DNAJB6: variants seen among roughly 807,000 people sequenced by gnomAD.
The protein encoded by DNAJB6 is DnaJ heat shock protein family (Hsp40) member B6.
In DNAJB6, 16 loss-of-function variants were observed where a neutral mutation model predicts 42.7. The observed-to-expected ratio is 0.37, with a 90% CI of 0.25 to 0.57. The LOEUF is 0.57. Ranked by LOEUF, DNAJB6 falls within the 20% of genes least tolerant of loss-of-function variation. DNAJB6 has a pLI of 0.74. For synonymous variants in DNAJB6, 170 were observed against 163.5 expected, an observed-to-expected ratio of 1.04 and a Z score of -0.30; for missense variants, 347 against 416.8, an observed-to-expected ratio of 0.83 and a Z score of 1.46.
intron 8 of DNAJB6, among the ~76,000 whole-genome samples, chr7:157,394,036 CAAAAG>C (rs1801472694): frequency 6.6e-6 from 1 of 152,188 alleles, no homozygotes; most frequent in African/African-American, 2.4e-5. Context: ...TAGTTTCTCT[CAAAAG>C]AATACCTTTC....
intron 5 of DNAJB6, 56 bp from the exon 6 acceptor site, chr7:157,382,188 CAT>C (rs1800814973): frequency 6.6e-6 from 10 of 1,511,930 alleles, no homozygotes; most frequent in Middle Eastern, 1.8e-4. Context: ...GTAGCTATCA[CAT>C]GAGGAAAAAA....
chr7:157,369,384 T>A (rs1370079367), intron 5 of DNAJB6: 1 of 456,714 alleles, frequency 2.2e-6, no homozygotes, highest in South Asian at 1.5e-5. Flanking sequence ...TGGGTTGAAG[T>A]CCTGTGTTCT....
At chr7:157,396,501 C>T (rs769931310) in intron 8 of DNAJB6, among the ~76,000 whole-genome samples, 2 of 152,226 alleles carry the variant, frequency 1.3e-5, no homozygotes, top group Non-Finnish European at 2.9e-5. Flanking sequence ...CCCCACCCAG[C>T]ACCATGCTGT....
chr7:157,378,204 G>A (rs1323780913), intron 5 of DNAJB6: 1 of 152,200 alleles, frequency 6.6e-6, no homozygotes, highest in African/African-American at 2.4e-5. Flanking sequence ...TGGTCTTGTG[G>A]CCTTCAGCAG....
chr7:157,355,354 G>GT, intron 1 of DNAJB6, among the ~76,000 whole-genome samples: 1 of 152,176 alleles, frequency 6.6e-6, no homozygotes, highest in Admixed American at 6.5e-5. Context: ...TAGAGATGGA[G>GT]TTTCACCGTG....
intron 6 of DNAJB6, among the ~76,000 whole-genome samples, chr7:157,384,450 A>G (rs1800947825): frequency 1.3e-5 from 2 of 152,208 alleles, no homozygotes; most frequent in Admixed American, 1.3e-4. Context: ...CAAAGCAAAC[A>G]GAGCTTGATA....
At position 157,360,022 on chromosome 7, in the gene DNAJB6, G is replaced by C. The variant is rs143193495; in HGVS notation, c.65+1385G>C. Among the ~76,000 whole-genome samples the C allele has an allele frequency of 3.0e-3, 454 of 152,322 alleles. 12 individuals are homozygous for C. Among genetic ancestry groups the C allele is most frequent in the Admixed American group, 0.027 (418 of 15,288 alleles). On this transcript the variant is annotated intron_variant, in intron 2 of 9. Coordinates refer to ENST00000262177, the MANE Select transcript of DNAJB6 (RefSeq NM_058246.4). ...TTCTTATCAGTAATGTTAACAGCCA[G>C]GCATACTTGACAGATTATAAGACGA...
At chr7:157,378,180 C>T (rs1332838287) in intron 5 of DNAJB6, 2 of 152,250 alleles carry the variant, frequency 1.3e-5, no homozygotes, top group Non-Finnish European at 2.9e-5. Context: ...CACTTTCTTC[C>T]ACTGCCCATT....
intron 1 of DNAJB6, among the ~76,000 whole-genome samples, chr7:157,338,613 C>T: frequency 6.6e-6 from 1 of 152,126 alleles, no homozygotes; most frequent in South Asian, 2.1e-4. Flanking sequence ...GGATTAGAGG[C>T]GCGAGCCACC....
At chr7:157,381,608 CTTG>C (rs1584923560) in intron 5 of DNAJB6, 1 of 152,098 alleles carries the variant, frequency 6.6e-6, no homozygotes, top group African/African-American at 2.4e-5. Context: ...CTTACGTCTG[CTTG>C]TTAACATTTG....
intron 5 of DNAJB6, among the ~76,000 whole-genome samples, chr7:157,374,350 C>T (rs1800365687): frequency 6.6e-6 from 1 of 152,082 alleles, no homozygotes; most frequent in Non-Finnish European, 1.5e-5. Flanking sequence ...ACCTGTACCT[C>T]CCGGGTTCAA....
rs1186006631 is a variant in DNAJB6, at chr7:157,384,882, G to A, written c.494G>A (p.Gly165Glu). ...SSFDTGFTSF[G>E]SLGHGGLTSF... ...TTTCCTGTAGGATTTACTTCATTTG[G>A]GTCACTAGGTCACGGGGGCCTCACT... The change falls in exon 7 of 10, where the codon GGG (glycine) becomes GAG (glutamate). Residue 165 changes from glycine to glutamate, a missense_variant. This residue lies in a region of DNAJB6 where 264 missense variants were observed against 288.0 expected (regional missense o/e 0.92). Transcript: ENST00000262177. 3 of 1,611,878 alleles carry A rather than the reference G, an allele frequency of 1.9e-6. No homozygotes were observed. Among genetic ancestry groups the A allele is most frequent in the South Asian group, 1.1e-5 (1 of 90,896 alleles).
chr7:157,416,116 C>T lies in DNAJB6; in HGVS notation c.*18C>T, dbSNP rs577875381. On this transcript the variant is annotated 3_prime_UTR_variant, in exon 10 of 10. Transcript: ENST00000262177. ...ATCACTAGACCGGACTTGAGGCACG[C>T]GGTGCACCCCCAGACGCTGGCGCTC... 3.5e-5 allele frequency: 56 copies of T among 1,610,328 alleles called. No homozygotes were observed. The highest frequency in any genetic ancestry group is 2.7e-4 in the East Asian group (12 of 44,788).
intron 8 of DNAJB6, among the ~76,000 whole-genome samples, chr7:157,387,062 G>C (rs1026110158): frequency 6.6e-6 from 1 of 152,188 alleles, no homozygotes; most frequent in Non-Finnish European, 1.5e-5. Context: ...AAGGACAGGC[G>C]GTTCCCTGAC....
chr7:157,340,989 TGTGTGTGTGC>T (rs1563104768), intron 1 of DNAJB6, among the ~76,000 whole-genome samples: 9 of 74,970 alleles, frequency 1.2e-4, no homozygotes. Context: ...TGTGTGTGTG[TGTGTGTGTGC>T]GCGCGCGCAG....
At chr7:157,367,291 G>A (rs1011973915) in intron 4 of DNAJB6, 82 bp from the exon 5 acceptor site, 1 of 935,744 alleles carries the variant, frequency 1.1e-6, no homozygotes, top group Admixed American at 1.9e-5. Context: ...TTCATGATTT[G>A]TATAATGTTT....
At chr7:157,389,046 TA>T (rs1158563428) in intron 8 of DNAJB6, among the ~76,000 whole-genome samples, 5 of 152,192 alleles carry the variant, frequency 3.3e-5, no homozygotes, top group African/African-American at 1.2e-4. Context: ...TAGAAGTGGG[TA>T]GAGTTAGTGT....
At chr7:157,359,435 A>G (rs940982618) in intron 2 of DNAJB6, among the ~76,000 whole-genome samples, 5 of 152,084 alleles carry the variant, frequency 3.3e-5, no homozygotes, top group African/African-American at 1.2e-4. Context: ...CTGGTCTCAA[A>G]CTCCTGGGCT....
chr7:157,416,332 A>G lies in DNAJB6; in HGVS notation c.*234A>G. The G allele has an allele frequency of 1.8e-6, 1 of 555,746 alleles. No individual in the cohort carries two copies. The highest frequency in any genetic ancestry group is 3.1e-5 in the East Asian group (1 of 32,466). 34.4% of individuals were successfully genotyped at this position (555,746 alleles called of 1,614,324 possible). Reference sequence around the variant, plus strand: ...TGGCCGCGACTCTCTGCTTCTCTCCAGCTCTCAATCTGCTGCATTTTCCTC... The same window carrying G: ...TGGCCGCGACTCTCTGCTTCTCTCCGGCTCTCAATCTGCTGCATTTTCCTC... On this transcript the variant is annotated 3_prime_UTR_variant, in exon 10 of 10. Transcript: ENST00000262177.
Sources: allele counts gnomAD v4.1 joint callset (sites outside exome capture counted in the v4.1 genomes callset), GRCh38; gene constraint gnomAD v4.1.1; regional missense constraint gnomAD v4.1.1; transcripts MANE v1.5; gene names NCBI Gene and HGNC (gene_info 2026-07-23, HGNC 2026-07-21).